Variants in GALNT17 observed in about 807,000 individuals in gnomAD.
GALNT17 encodes the protein polypeptide N-acetylgalactosaminyltransferase 17.
A neutral mutation model predicts 63.7 loss-of-function variants in GALNT17; 29 were observed. The observed-to-expected ratio is 0.46, with a 90% CI of 0.34 to 0.62. The LOEUF is 0.62. GALNT17 is among the 20% of genes least tolerant of loss of function. The probability of loss-of-function intolerance (pLI) is 0.01; values close to 1 mark genes in which losing one functional copy is unlikely to be tolerated. For synonymous variants in GALNT17, 305 were observed against 318.3 expected, an observed-to-expected ratio of 0.96 and a Z score of 0.45; for missense variants, 603 against 799.6, an observed-to-expected ratio of 0.75 and a Z score of 2.97.
At chr7:71,183,400 T>G (rs1433614662) in intron 1 of GALNT17, among the ~76,000 whole-genome samples, 3 of 152,084 alleles carry the variant, frequency 2.0e-5, no homozygotes, top group Admixed American at 2.0e-4. Flanking sequence ...TTCCTTCCAC[T>G]CCATTCAAAG....
intron 6 of GALNT17, among the ~76,000 whole-genome samples, chr7:71,659,138 C>A (rs935383704): frequency 5.3e-5 from 8 of 152,290 alleles, no homozygotes; most frequent in African/African-American, 1.9e-4. Context: ...CTGGTGTGGA[C>A]CCTGCCTACC....
chr7:71,163,495 T>C (rs142580973), intron 1 of GALNT17, among the ~76,000 whole-genome samples: 264 of 152,328 alleles, frequency 1.7e-3, no homozygotes, highest in African/African-American at 5.6e-3. Flanking sequence ...CTGACCAGTC[T>C]TTAAGGCCCC....
At chr7:71,198,375 A>G (rs901225516) in intron 1 of GALNT17, among the ~76,000 whole-genome samples, 2 of 152,196 alleles carry the variant, frequency 1.3e-5, no homozygotes, top group Admixed American at 6.6e-5. Context: ...CTGCAGTAAC[A>G]GAAAGACCTT....
At chr7:71,573,262 G>A (rs927373663) in intron 6 of GALNT17, among the ~76,000 whole-genome samples, 6 of 151,636 alleles carry the variant, frequency 4.0e-5, no homozygotes, top group African/African-American at 9.7e-5. Flanking sequence ...TTCCCGCCTC[G>A]GCCTCCCAAA....
At chr7:71,470,956 A>G (rs1787617794) in intron 5 of GALNT17, among the ~76,000 whole-genome samples, 1 of 152,198 alleles carries the variant, frequency 6.6e-6, no homozygotes, top group Non-Finnish European at 1.5e-5. Context: ...AAAAGTATAC[A>G]TGTAGTTTTA....
chr7:71,632,204 G>A (rs561923423), intron 6 of GALNT17, among the ~76,000 whole-genome samples: 21 of 152,182 alleles, frequency 1.4e-4, no homozygotes, highest in Non-Finnish European at 1.8e-4. Context: ...CCTTGTGTCC[G>A]GCCAAGCTTT....
chr7:71,418,909 C>G (rs889783257), intron 4 of GALNT17, among the ~76,000 whole-genome samples: 4 of 152,206 alleles, frequency 2.6e-5, no homozygotes, highest in African/African-American at 9.6e-5. Context: ...ACCAGCCTAG[C>G]CAACATGGCG....
intron 1 of GALNT17, among the ~76,000 whole-genome samples, chr7:71,227,079 TG>T (rs1789693102): frequency 6.9e-6 from 1 of 144,204 alleles, no homozygotes; most frequent in South Asian, 2.3e-4. Flanking sequence ...GGCTCACTCC[TG>T]TAATCCCAGC....
At position 71,538,278 on chromosome 7, in the gene GALNT17, G is replaced by T. The variant is rs189990515; in HGVS notation, c.963-33007G>T. On this transcript the variant is annotated intron_variant, in intron 5 of 10. Coordinates refer to ENST00000333538, the MANE Select transcript of GALNT17 (RefSeq NM_022479.3). ...TTTTTATGAGTCCACTTGAAACCCTGGAAGGCAGAGCTTGCCACGGCTATT... is the reference window on the plus strand; with the variant it reads ...TTTTTATGAGTCCACTTGAAACCCTTGAAGGCAGAGCTTGCCACGGCTATT... 3.9e-4 allele frequency among the ~76,000 whole-genome samples: 60 copies of T among 152,236 alleles called. No homozygotes were observed. The Middle Eastern group carries it at 0.014, about 35-fold the overall frequency.
intron 6 of GALNT17, among the ~76,000 whole-genome samples, chr7:71,650,430 G>A (rs766553034): frequency 1.3e-5 from 2 of 152,116 alleles, no homozygotes; most frequent in Non-Finnish European, 2.9e-5. Context: ...TTGTATTTTA[G>A]TAGAGACAAG....
chr7:71,662,292 G>A (rs1350045040), intron 6 of GALNT17, among the ~76,000 whole-genome samples: 1 of 149,994 alleles, frequency 6.7e-6, no homozygotes, highest in Non-Finnish European at 1.5e-5. Context: ...ATTCACGCCC[G>A]AATCTACTTT....
At chr7:71,140,660 T>C (rs1436493044) in intron 1 of GALNT17, among the ~76,000 whole-genome samples, 2 of 152,154 alleles carry the variant, frequency 1.3e-5, no homozygotes, top group African/African-American at 4.8e-5. Flanking sequence ...AGTTGGAACA[T>C]GAGCACACCC....
chr7:71,432,964 C>T (rs2116492480), intron 5 of GALNT17, among the ~76,000 whole-genome samples: 1 of 152,230 alleles, frequency 6.6e-6, no homozygotes, highest in Non-Finnish European at 1.5e-5. Flanking sequence ...CATGCACCAC[C>T]ACACCTGGCT....
chr7:71,495,663 T>C (rs1788082549), intron 5 of GALNT17, among the ~76,000 whole-genome samples: 1 of 152,130 alleles, frequency 6.6e-6, no homozygotes, highest in African/African-American at 2.4e-5. Flanking sequence ...ATGGGAGCAC[T>C]ATACCTTGGC....
chr7:71,248,163 T>A (rs1257404456), intron 1 of GALNT17, among the ~76,000 whole-genome samples: 1 of 152,192 alleles, frequency 6.6e-6, no homozygotes, highest in Non-Finnish European at 1.5e-5. Flanking sequence ...GCAAGTATCT[T>A]CTTCACAAGG....
chr7:71,307,429 A>G (rs971651843), intron 1 of GALNT17, among the ~76,000 whole-genome samples: 10 of 152,022 alleles, frequency 6.6e-5, no homozygotes, highest in African/African-American at 2.2e-4. Context: ...GCTGGCTTAC[A>G]GAGGCAATAA....
chr7:71,485,174 T>C (rs1022334706), intron 5 of GALNT17, among the ~76,000 whole-genome samples: 16 of 151,080 alleles, frequency 1.1e-4, no homozygotes, highest in Non-Finnish European at 7.4e-5. Flanking sequence ...GGCACCATCA[T>C]AGCTCACTGC....
intron 4 of GALNT17, among the ~76,000 whole-genome samples, chr7:71,417,736 G>A (rs1786566261): frequency 6.6e-6 from 1 of 152,186 alleles, no homozygotes; most frequent in Non-Finnish European, 1.5e-5. Flanking sequence ...CCTCAGGCCT[G>A]GCATACCTTG....
intron 8 of GALNT17, among the ~76,000 whole-genome samples, chr7:71,676,855 A>C (rs1791157654): frequency 6.6e-6 from 1 of 152,174 alleles, no homozygotes; most frequent in Non-Finnish European, 1.5e-5. Context: ...TGAGAAGCTT[A>C]GAAGCCACTT....
Sources: gnomAD v4.1 joint callset for allele counts (sites outside exome capture counted in the v4.1 genomes callset) on GRCh38, gnomAD v4.1.1 for gene constraint, MANE v1.5 for transcripts, NCBI Gene and HGNC (gene_info 2026-07-23, HGNC 2026-07-21) for gene names.